The following COX15 variants were observed in gnomAD, a reference collection of about 807,000 sequenced individuals.
COX15 encodes the protein heme A synthase COX15.
In COX15, 51 loss-of-function variants were observed where a neutral mutation model predicts 51.9. The observed-to-expected ratio is 0.98, with a 90% CI of 0.78 to 1.24. COX15 has a LOEUF of 1.24. COX15 is among the 50% of genes most tolerant of loss of function. COX15 has a pLI of 0.00. For missense variants in COX15, 420 were observed against 501.1 expected (o/e 0.84, Z 1.55); for synonymous variants, 188 against 190.5 (o/e 0.99, Z 0.11).
intron 6 of COX15, among the ~76,000 whole-genome samples, chr10:99,719,065 G>C (rs1452221209): frequency 6.6e-6 from 1 of 152,176 alleles, no homozygotes; most frequent in African/African-American, 2.4e-5. Flanking sequence ...CTCAATAAAT[G>C]TTTGTTGACT....
At position 99,711,801 on chromosome 10, in the gene COX15, C is replaced by G. The variant is rs757621603; in HGVS notation, c.*2786G>C. On this transcript the variant is annotated 3_prime_UTR_variant, in exon 9 of 9. Coordinates refer to ENST00000016171, the MANE Select transcript of COX15 (RefSeq NM_078470.6). ...TGACAAACTGTTTTGCTAAGAATCACCTGTGTTAGTCGGCTTGCATTGCTA... is the reference window on the plus strand; with the variant it reads ...TGACAAACTGTTTTGCTAAGAATCAGCTGTGTTAGTCGGCTTGCATTGCTA... The G allele has an allele frequency of 6.0e-4, 589 of 985,346 alleles. No individual in the cohort carries two copies. The highest frequency in any genetic ancestry group is 6.7e-4 in the Non-Finnish European group (555 of 830,002). The allele number at this position is 985,346 out of a possible 1,614,324, so 61.0% of individuals were successfully genotyped here.
chr10:99,700,729 C>T, the COX15 span: 2 of 546,242 alleles, frequency 3.7e-6, no homozygotes, highest in Non-Finnish European at 6.5e-6. Flanking sequence ...TTAGTCCTAA[C>T]CTCAGCCCCT....
chr10:99,711,049 C>T lies in COX15; in HGVS notation c.*3538G>A, dbSNP rs959607481. On this transcript the variant is annotated 3_prime_UTR_variant, in exon 9 of 9. Coordinates refer to ENST00000016171, the MANE Select transcript of COX15 (RefSeq NM_078470.6). ...ATTATCCATTTTCCATTCATGCATT[C>T]ACTAATTCAATATTTGATATGTGTC... is the stretch of plus-strand genomic sequence containing the variant. The T allele has an allele frequency of 3.0e-6, 3 of 984,884 alleles. No individual in the cohort carries two copies. The highest frequency in any genetic ancestry group is 1.2e-4 in the Admixed American group (2 of 16,220). The allele number at this position is 984,884 out of a possible 1,614,324, so 61.0% of individuals were successfully genotyped here.
intron 7 of COX15, among the ~76,000 whole-genome samples, chr10:99,717,653 G>T (rs1472518440): frequency 1.3e-5 from 2 of 152,150 alleles, no homozygotes. Flanking sequence ...CTCCCAAAGT[G>T]CTAGGATTAT....
intron 7 of COX15, among the ~76,000 whole-genome samples, chr10:99,717,522 A>C (rs1365965708): frequency 1.3e-5 from 2 of 151,706 alleles, no homozygotes; most frequent in Non-Finnish European, 2.9e-5. Context: ...TCTTATTTTT[A>C]AATTAAATTT....
In COX15 at chr10:99,711,476, G is replaced by A. The variant is rs1183561622; in HGVS notation, c.*3111C>T. The A allele has an allele frequency of 1.0e-6, 1 of 985,328 alleles. No individual in the cohort carries two copies. Among genetic ancestry groups the A allele is most frequent in the African/African-American group, 1.7e-5 (1 of 57,330 alleles). 61.0% of individuals were successfully genotyped at this position (985,328 alleles called of 1,614,324 possible). On this transcript the variant is annotated 3_prime_UTR_variant, in exon 9 of 9. Transcript: ENST00000016171. ...CTAACATACTAATAGGAGCAACATA[G>A]CAGATCAAATGATAAGGTGGGGTGG... is the stretch of plus-strand genomic sequence containing the variant.
chr10:99,727,670 A>G (rs2037004686), intron 2 of COX15, 107 bp from the exon 3 acceptor site: 9 of 1,326,352 alleles, frequency 6.8e-6, no homozygotes, highest in East Asian at 4.6e-5. Context: ...AGGTAAACAC[A>G]TTGTTTCCTT....
chr10:99,720,302 G>T (rs1025638196), intron 6 of COX15, among the ~76,000 whole-genome samples: 6 of 152,124 alleles, frequency 3.9e-5, no homozygotes, highest in Non-Finnish European at 7.3e-5. Flanking sequence ...AAAATCAGCT[G>T]GGCGTGGTGG....
chr10:99,722,696 T>C (rs1284165140), intron 5 of COX15, among the ~76,000 whole-genome samples: 1 of 151,878 alleles, frequency 6.6e-6, no homozygotes, highest in Non-Finnish European at 1.5e-5. Flanking sequence ...TAGCCGAGCA[T>C]GGTGGTGTGC....
chr10:99,702,415 T>C, the COX15 span: 4 of 1,101,580 alleles, frequency 3.6e-6, no homozygotes, highest in Non-Finnish European at 5.0e-6. Context: ...GAGGTAGGTC[T>C]TTTAATAACT....
At chr10:99,720,521 C>A (rs1355297908) in intron 6 of COX15, among the ~76,000 whole-genome samples, 1 of 152,182 alleles carries the variant, frequency 6.6e-6, no homozygotes, top group Non-Finnish European at 1.5e-5. Flanking sequence ...TCTCTGAGGG[C>A]AAGCCTTTTC....
At chr10:99,730,719 T>G (rs1400586918) in intron 1 of COX15, among the ~76,000 whole-genome samples, 1 of 152,114 alleles carries the variant, frequency 6.6e-6, no homozygotes. Flanking sequence ...ACAATGGTAT[T>G]TGTTTATCTA....
chr10:99,698,558 G>A, the COX15 span: 1 of 1,614,098 alleles, frequency 6.2e-7, no homozygotes, highest in Non-Finnish European at 8.5e-7. Flanking sequence ...AGACAGGTCT[G>A]AGTCCCGACA....
At chr10:99,704,671 G>A in the COX15 span, 1 of 1,613,570 alleles carries the variant, frequency 6.2e-7, no homozygotes, top group South Asian at 1.1e-5. Flanking sequence ...TGGGAGTACA[G>A]GTGGGGCCGT....
intron 8 of COX15, 103 bp from the exon 9 acceptor site, chr10:99,714,821 T>A: frequency 6.3e-7 from 1 of 1,584,392 alleles, no homozygotes; most frequent in East Asian, 2.2e-5. Flanking sequence ...CATCCTCCTA[T>A]CAGAGCACTT....
At chr10:99,729,505 T>G in intron 2 of COX15, 48 bp downstream of exon 2, 1 of 1,541,356 alleles carries the variant, frequency 6.5e-7, no homozygotes, top group South Asian at 1.1e-5. Flanking sequence ...CAACCTGTGC[T>G]TCTACTGATG....
At chr10:99,700,920 T>G in the COX15 span, 1 of 1,428,598 alleles carries the variant, frequency 7.0e-7, no homozygotes, top group Non-Finnish European at 9.9e-7. Flanking sequence ...GTGGGGAAGG[T>G]AGAGAGTTTG....
Position 99,714,010 on chromosome 10 carries a change from T to A in COX15, c.*577A>T. On this transcript the variant is annotated 3_prime_UTR_variant, in exon 9 of 9. Transcript: ENST00000016171. ...AAAATGGAACTATTTGGCGATTACC[T>A]CCTTTTCCAAGTACTTAAAAACCAT... 3 of 997,286 alleles carry A rather than the reference T, an allele frequency of 3.0e-6. No individual in the cohort carries two copies. Among genetic ancestry groups the A allele is most frequent in the Non-Finnish European group, 3.6e-6 (3 of 836,950 alleles). 61.8% of individuals were successfully genotyped at this position (997,286 alleles called of 1,614,324 possible).
chr10:99,712,596 AAAAT>A lies in COX15; in HGVS notation c.*1987_*1990del. 1.0e-6 allele frequency: 1 copy of A among 984,550 alleles called. No homozygotes were observed. The highest frequency in any genetic ancestry group is 1.2e-6 in the Non-Finnish European group (1 of 829,116). The allele number at this position is 984,550 out of a possible 1,614,324, so 61.0% of individuals were successfully genotyped here. On this transcript the variant is annotated 3_prime_UTR_variant, in exon 9 of 9. Coordinates refer to ENST00000016171, the MANE Select transcript of COX15 (RefSeq NM_078470.6). ...TATGGAATCTAGGTATATCCAAGGAAAAATAAACTTAAGATAAGCTTATTTTCCT... is the reference window on the plus strand; with the variant it reads ...TATGGAATCTAGGTATATCCAAGGAAAAACTTAAGATAAGCTTATTTTCCT...
Sources: allele counts gnomAD v4.1 joint callset (sites outside exome capture counted in the v4.1 genomes callset), GRCh38; gene constraint gnomAD v4.1.1; transcripts MANE v1.5; gene names NCBI Gene and HGNC (gene_info 2026-07-23, HGNC 2026-07-21).